PDSS2: variants seen among roughly 807,000 people sequenced by gnomAD.
PDSS2 encodes all trans-polyprenyl-diphosphate synthase PDSS2.
In PDSS2, 31 loss-of-function variants were observed where a neutral mutation model predicts 44.5. That is an observed-to-expected ratio of 0.70 (90% CI 0.52 to 0.94). PDSS2 has a LOEUF of 0.94. PDSS2 is among the 40% of genes least tolerant of loss of function. The probability of loss-of-function intolerance (pLI) is 0.00; values close to 1 mark genes in which losing one functional copy is unlikely to be tolerated. For missense variants in PDSS2, 452 were observed against 482.2 expected (o/e 0.94, Z 0.59); for synonymous variants, 157 against 180.3 (o/e 0.87, Z 1.03).
chr6:107,363,186 A>G (rs1264134351), intron 1 of PDSS2, among the ~76,000 whole-genome samples: 2 of 152,236 alleles, frequency 1.3e-5, no homozygotes, highest in Non-Finnish European at 2.9e-5. Context: ...AAGCCATTCA[A>G]CTAACTCAAT....
At position 107,259,654 on chromosome 6, in the gene PDSS2, G is replaced by A. The variant is rs894558459; in HGVS notation, c.631-14035C>T. On this transcript the variant is annotated intron_variant, in intron 3 of 7. Transcript: ENST00000369037. ...CGCACCACTGCATTCCAGCCTGGGC[G>A]ACAGAACAAGACTCTGTCTCAAAAA... 3.4e-5 allele frequency among the ~76,000 whole-genome samples: 5 copies of A among 148,078 alleles called. No homozygotes were observed. In the East Asian group the frequency reaches 5.9e-4, roughly 18 times the overall value.
chr6:107,193,551 A>T (rs1243365373), intron 7 of PDSS2, among the ~76,000 whole-genome samples: 1 of 152,126 alleles, frequency 6.6e-6, no homozygotes, highest in Non-Finnish European at 1.5e-5. Context: ...TCCCCACTAG[A>T]ATTGTAAATA....
chr6:107,301,915 C>T (rs965962191), intron 2 of PDSS2, among the ~76,000 whole-genome samples: 1 of 83,498 alleles, frequency 1.2e-5, no homozygotes, highest in African/African-American at 4.8e-5. Flanking sequence ...CAGTGAGACT[C>T]TATCTCAAAA....
intron 1 of PDSS2, among the ~76,000 whole-genome samples, chr6:107,442,303 G>C (rs1484531155): frequency 6.6e-6 from 1 of 152,086 alleles, no homozygotes; most frequent in Non-Finnish European, 1.5e-5. Context: ...TATAATCCCA[G>C]CTACTCGGGA....
intron 1 of PDSS2, among the ~76,000 whole-genome samples, chr6:107,402,151 G>A (rs1175366350): frequency 3.3e-5 from 5 of 151,602 alleles, no homozygotes; most frequent in African/African-American, 1.2e-4. Context: ...GTGGTGGTGG[G>A]TGCCCATAAT....
At chr6:107,228,425 G>A (rs966590453) in intron 4 of PDSS2, among the ~76,000 whole-genome samples, 3 of 152,020 alleles carry the variant, frequency 2.0e-5, no homozygotes, top group Non-Finnish European at 2.9e-5. Context: ...CAGGCGCGGC[G>A]GCTCACACCT....
intron 1 of PDSS2, among the ~76,000 whole-genome samples, chr6:107,377,301 G>A (rs1779315503): frequency 6.6e-6 from 1 of 152,096 alleles, no homozygotes; most frequent in Non-Finnish European, 1.5e-5. Context: ...CTCATCACTG[G>A]CCATCAGAGA....
At chr6:107,183,073 G>A (rs1251019824) in intron 7 of PDSS2, among the ~76,000 whole-genome samples, 1 of 152,012 alleles carries the variant, frequency 6.6e-6, no homozygotes, top group Non-Finnish European at 1.5e-5. Flanking sequence ...TTAGCTGGGT[G>A]TGGTGACATG....
intron 2 of PDSS2, among the ~76,000 whole-genome samples, chr6:107,290,100 T>A (rs1011447882): frequency 9.2e-5 from 14 of 152,226 alleles, no homozygotes; most frequent in African/African-American, 2.7e-4. Flanking sequence ...AAGGAGCTGA[T>A]GACTTAATGA....
At chr6:107,341,665 G>T (rs1262567460) in intron 1 of PDSS2, among the ~76,000 whole-genome samples, 2 of 152,144 alleles carry the variant, frequency 1.3e-5, no homozygotes, top group African/African-American at 4.8e-5. Context: ...CACAGACATG[G>T]ATAATGAAGT....
intron 2 of PDSS2, among the ~76,000 whole-genome samples, chr6:107,286,771 G>A (rs1167331392): frequency 2.0e-5 from 3 of 152,058 alleles, no homozygotes; most frequent in Non-Finnish European, 4.4e-5. Flanking sequence ...GTGGCCAGGT[G>A]CGGTGGCTCA....
intron 7 of PDSS2, among the ~76,000 whole-genome samples, chr6:107,183,028 T>C (rs1772038276): frequency 6.6e-6 from 1 of 151,984 alleles, no homozygotes; most frequent in Non-Finnish European, 1.5e-5. Flanking sequence ...CCAGGTAATA[T>C]AGTGATACCT....
intron 1 of PDSS2, among the ~76,000 whole-genome samples, chr6:107,374,646 G>A (rs1238942341): frequency 6.6e-6 from 1 of 152,214 alleles, no homozygotes; most frequent in African/African-American, 2.4e-5. Flanking sequence ...TTAATAAACA[G>A]TCCAAGAAAC....
chr6:107,197,480 C>CAAAA (rs1211356401), intron 6 of PDSS2, among the ~76,000 whole-genome samples: 73 of 82,200 alleles, frequency 8.9e-4, no homozygotes, highest in Non-Finnish European at 1.0e-3. Context: ...ACCCCCATCT[C>CAAAA]AAAAAAAAAA....
chr6:107,224,394 C>T (rs751753984), intron 4 of PDSS2, among the ~76,000 whole-genome samples: 35 of 151,524 alleles, frequency 2.3e-4, no homozygotes, highest in Non-Finnish European at 4.0e-4. Flanking sequence ...GAAAGACCCA[C>T]GTAGAAGTGG....
chr6:107,341,068 G>A (rs1339111853), intron 1 of PDSS2, among the ~76,000 whole-genome samples: 1 of 152,238 alleles, frequency 6.6e-6, no homozygotes, highest in Admixed American at 6.5e-5. Context: ...CTGTTACTCT[G>A]GCAGGTGCTA....
At chr6:107,343,057 C>T (rs1243048507) in intron 1 of PDSS2, among the ~76,000 whole-genome samples, 2 of 152,100 alleles carry the variant, frequency 1.3e-5, no homozygotes, top group Non-Finnish European at 2.9e-5. Context: ...CTTAAGTGAT[C>T]CTCTCGCCTT....
intron 7 of PDSS2, among the ~76,000 whole-genome samples, chr6:107,180,338 A>C (rs1771928569): frequency 6.6e-6 from 1 of 152,204 alleles, no homozygotes; most frequent in Non-Finnish European, 1.5e-5. Flanking sequence ...TTTCCAGATA[A>C]GACTCAAAAG....
intron 4 of PDSS2, among the ~76,000 whole-genome samples, chr6:107,238,444 C>T (rs1292885150): frequency 1.3e-5 from 2 of 152,156 alleles, no homozygotes; most frequent in South Asian, 2.1e-4. Flanking sequence ...AAAGAGACAG[C>T]CCCATAGGGT....
Sources: allele counts gnomAD v4.1 joint callset (sites outside exome capture counted in the v4.1 genomes callset), GRCh38; gene constraint gnomAD v4.1.1; transcripts MANE v1.5; gene names NCBI Gene and HGNC (gene_info 2026-07-23, HGNC 2026-07-21).